Variants in IRAK3 observed in about 807,000 individuals in gnomAD.
IRAK3 encodes the protein interleukin-1 receptor-associated kinase 3.
Under a neutral mutation model 56.6 loss-of-function variants are expected in IRAK3, and 57 were observed. The observed-to-expected ratio is 1.01, with a 90% CI of 0.81 to 1.26. IRAK3 has a LOEUF of 1.26. Among genes scored for constraint, IRAK3 ranks in the 50% most tolerant of loss-of-function variants. IRAK3 has a pLI of 0.00. For missense variants in IRAK3, 703 were observed against 719.0 expected (o/e 0.98, Z 0.25); for synonymous variants, 258 against 255.7 (o/e 1.01, Z -0.09).
chr12:66,230,697 G>A (rs936575256), intron 8 of IRAK3, among the ~76,000 whole-genome samples: 31 of 151,990 alleles, frequency 2.0e-4, no homozygotes, highest in Non-Finnish European at 8.8e-5. Context: ...GAAGGAAGGG[G>A]TCGGGGGGCG....
intron 1 of IRAK3, among the ~76,000 whole-genome samples, chr12:66,189,784 A>C (rs2052382243): frequency 6.6e-6 from 1 of 152,194 alleles, no homozygotes; most frequent in African/African-American, 2.4e-5. Context: ...AAATCACCCC[A>C]GAACATCATT....
chr12:66,226,929 T>C, intron 7 of IRAK3, 92 bp downstream of exon 7: 1 of 784,470 alleles, frequency 1.3e-6, no homozygotes, highest in South Asian at 1.4e-5. Flanking sequence ...GGAGGCAAGA[T>C]GTGTTTGCAT....
At chr12:66,233,956 A>G (rs1188017895) in intron 8 of IRAK3, 2 of 1,203,022 alleles carry the variant, frequency 1.7e-6, no homozygotes, top group Non-Finnish European at 2.3e-6. Context: ...TAACGTTTTC[A>G]AGAACTTGTG....
Position 66,251,222 on chromosome 12 carries a change from G to A in IRAK3, c.*3051G>A, listed in dbSNP as rs1034218871. 5 of 152,212 alleles carry A rather than the reference G, an allele frequency of 3.3e-5. No homozygotes were observed. The highest frequency in any genetic ancestry group is 7.3e-5 in the Non-Finnish European group (5 of 68,032). 9.4% of individuals were successfully genotyped at this position (152,212 alleles called of 1,614,324 possible). A position where few individuals can be genotyped will look rare whatever the true frequency, so the allele number is the denominator to read the frequency against. ...CTGATTAACGTTGTGGTAAGCAGAT[G>A]CCACTGTGGCTGGGAAGTACCAAAT... On this transcript the variant is annotated 3_prime_UTR_variant, in exon 12 of 12. Transcript: ENST00000261233.
At chr12:66,244,189 T>G (rs941161790) in intron 8 of IRAK3, among the ~76,000 whole-genome samples, 1 of 152,240 alleles carries the variant, frequency 6.6e-6, no homozygotes, top group African/African-American at 2.4e-5. Flanking sequence ...TTGGTTAACT[T>G]CAGTTTCTCT....
chr12:66,234,140 C>T (rs959844661), intron 8 of IRAK3: 78 of 1,614,074 alleles, frequency 4.8e-5, no homozygotes, highest in South Asian at 2.1e-4. Context: ...CTGCTGTTGA[C>T]CACTTGCCTC....
intron 6 of IRAK3, among the ~76,000 whole-genome samples, chr12:66,221,602 T>G (rs945587336): frequency 1.8e-4 from 27 of 152,224 alleles, no homozygotes; most frequent in African/African-American, 6.3e-4. Flanking sequence ...TGCTTTTGCA[T>G]TTGTTGAGAT....
chr12:66,197,493 GT>G, intron 1 of IRAK3: 5 of 984,894 alleles, frequency 5.1e-6, no homozygotes, highest in Non-Finnish European at 6.0e-6. Flanking sequence ...CTTTAGCAAT[GT>G]TTCTATTCAG....
In IRAK3 at chr12:66,248,119, G is replaced by A. The variant is rs752069642; in HGVS notation, c.1739G>A (p.Ser580Asn). ...HSCRSRPVES[S>N]CSSKFSWDEY... ...TGCAGGAGCAGGCCAGTGGAGAGCAGCTGTTCCTCCAAATTTTCCTGGGAT... is the reference window on the plus strand; with the variant it reads ...TGCAGGAGCAGGCCAGTGGAGAGCAACTGTTCCTCCAAATTTTCCTGGGAT... Residue 580 changes from serine to asparagine, a missense_variant, in exon 12 of 12, where the codon AGC (serine) becomes AAC (asparagine). Ser to Asn is a conservative substitution (Grantham distance 46, BLOSUM62 1). Coordinates refer to ENST00000261233, the MANE Select transcript of IRAK3 (RefSeq NM_007199.3). 119 of 1,611,958 alleles carry A rather than the reference G, an allele frequency of 7.4e-5. No individual in the cohort carries two copies. The highest frequency in any genetic ancestry group is 1.0e-4 in the Non-Finnish European group (118 of 1,179,230).
intron 1 of IRAK3, chr12:66,196,937 T>A: frequency 6.5e-7 from 1 of 1,535,572 alleles, no homozygotes; most frequent in Non-Finnish European, 8.7e-7. Context: ...TTTTGGCATG[T>A]GGTTGTATGC....
rs143239897 is a variant in IRAK3 at position 66,238,592 on chromosome 12, G to C, written c.888-5894G>C. 4.6e-5 allele frequency among the ~76,000 whole-genome samples: 7 copies of C among 152,318 alleles called. No individual in the cohort carries two copies. The East Asian group carries it at 1.3e-3, about 29-fold the overall frequency. ...TGGGAAGGAGAGGAGAGCATAATTA[G>C]TGTGCAGAAACTTGGAAATGCTGAC... On this transcript the variant is annotated intron_variant, in intron 8 of 11. Transcript: ENST00000261233.
At chr12:66,235,038 C>T (rs897586298) in intron 8 of IRAK3, 3 of 1,613,174 alleles carry the variant, frequency 1.9e-6, no homozygotes, top group Non-Finnish European at 2.5e-6. Context: ...ACTATTTTCC[C>T]ATATGGTTGA....
chr12:66,189,261 T>C lies in IRAK3; in HGVS notation c.-39T>C, dbSNP rs981563549. 64 of 1,533,646 alleles carry C rather than the reference T, an allele frequency of 4.2e-5. No homozygotes were observed. In the East Asian group the frequency reaches 1.5e-3, roughly 37 times the overall value. On this transcript the variant is annotated 5_prime_UTR_variant, in exon 1 of 12. Transcript: ENST00000261233. Reference sequence around the variant, plus strand: ...GGCCTGTCGCAGGCGTGCAGGGACCTGGACTCCGCCTCGTCCCCGGGGCTC... The same window carrying C: ...GGCCTGTCGCAGGCGTGCAGGGACCCGGACTCCGCCTCGTCCCCGGGGCTC...
In IRAK3 at chr12:66,247,554, A is replaced by G. The variant is rs11465985; in HGVS notation, c.1315-141A>G. ...AAATAAAGGGCGTTAGCTAATCTTT[A>G]AGATCCCTTCTAATTCAAAATTCTA... is the stretch of plus-strand genomic sequence containing the variant. On this transcript the variant is annotated intron_variant, in intron 11 of 11. Coordinates refer to ENST00000261233, the MANE Select transcript of IRAK3 (RefSeq NM_007199.3). 418 of 651,152 alleles carry G rather than the reference A, an allele frequency of 6.4e-4. 3 individuals are homozygous for G. In the African/African-American group the frequency reaches 6.5e-3, roughly 10 times the overall value. The allele number at this position is 651,152 out of a possible 1,614,324, so 40.3% of individuals were successfully genotyped here. A position where few individuals can be genotyped will look rare whatever the true frequency, so the allele number is the denominator to read the frequency against.
chr12:66,240,328 A>G (rs191409365), intron 8 of IRAK3, among the ~76,000 whole-genome samples: 2 of 152,312 alleles, frequency 1.3e-5, no homozygotes, highest in African/African-American at 4.8e-5. Context: ...GGGCCTTTGC[A>G]CCGAGTGCCT....
chr12:66,246,571 C>T (rs1463780749), intron 11 of IRAK3, among the ~76,000 whole-genome samples: 5 of 152,210 alleles, frequency 3.3e-5, no homozygotes, highest in East Asian at 1.9e-4. Context: ...TGACATATAT[C>T]GTGCAGGGAC....
chr12:66,216,038 A>G (rs961157493), intron 5 of IRAK3, among the ~76,000 whole-genome samples: 2 of 152,184 alleles, frequency 1.3e-5, no homozygotes, highest in African/African-American at 2.4e-5. Flanking sequence ...AGCAGATCTG[A>G]CAGGAGCCCT....
rs1321286426 is a variant in IRAK3 at position 66,245,196 on chromosome 12, C to A, written c.1248C>A (p.Ala416=). The A allele has an allele frequency of 5.6e-6, 9 of 1,614,030 alleles. No individual in the cohort carries two copies. The highest frequency in any genetic ancestry group is 7.6e-6 in the Non-Finnish European group (9 of 1,180,038). ...KVPPCPRNFS[A]KLFCLAGRCA... ...CTCCCTGCCCTCGGAATTTCTCTGC[C>A]AAGCTCTTCTGTTTGGCAGGCCGGT... The change falls in exon 11 of 12, where the codon GCC becomes GCA. Residue 416 remains alanine, a synonymous_variant. Transcript: ENST00000261233.
intron 8 of IRAK3, among the ~76,000 whole-genome samples, chr12:66,235,571 G>A (rs569164725): frequency 7.6e-4 from 115 of 151,980 alleles, no homozygotes; most frequent in Admixed American, 1.4e-3. Context: ...CGGAGCTGGC[G>A]GCGTCGCCGA....
Sources: allele counts gnomAD v4.1 joint callset (sites outside exome capture counted in the v4.1 genomes callset), GRCh38; gene constraint gnomAD v4.1.1; transcripts MANE v1.5; gene names NCBI Gene and HGNC (gene_info 2026-07-23, HGNC 2026-07-21).